EEA1: variants seen among roughly 807,000 people sequenced by gnomAD.
EEA1 encodes the protein early endosome antigen 1, 162kD.
A neutral mutation model predicts 209.2 loss-of-function variants in EEA1; 111 were observed. The observed-to-expected ratio is 0.53, with a 90% CI of 0.45 to 0.62. The LOEUF (loss-of-function observed/expected upper bound fraction) is 0.62. Among genes scored for constraint, EEA1 ranks in the 20% least tolerant of loss-of-function variants. EEA1 has a pLI of 0.00. For missense variants in EEA1, 1,343 were observed against 1,530.8 expected (o/e 0.88, Z 2.05); for synonymous variants, 536 against 540.6 (o/e 0.99, Z 0.12).
In EEA1 at chr12:92,788,713, C is replaced by T. The variant is rs142105500; in HGVS notation, c.2968-664G>A. ...CCTTCAATAAAATTGCTGTTGAAGT[C>T]ATTAGTGACTGCCATGTTCCAAAAT... On this transcript the variant is annotated intron_variant, in intron 21 of 28. Transcript: ENST00000322349. 9.2e-5 allele frequency among the ~76,000 whole-genome samples: 14 copies of T among 152,234 alleles called. No individual in the cohort carries two copies. The East Asian group carries it at 1.7e-3, about 19-fold the overall frequency.
chr12:92,906,715 G>A (rs1218636446), intron 1 of EEA1, among the ~76,000 whole-genome samples: 3 of 152,132 alleles, frequency 2.0e-5, no homozygotes, highest in Non-Finnish European at 2.9e-5. Context: ...TGGGGAGGCT[G>A]AGGCAGGAGA....
At chr12:92,843,179 A>G (rs1859984906) in intron 9 of EEA1, among the ~76,000 whole-genome samples, 1 of 152,072 alleles carries the variant, frequency 6.6e-6, no homozygotes. Context: ...TTTTTTTTAT[A>G]CAGGGTCTTG....
chr12:92,790,526 GGT>G (rs1874353962), intron 21 of EEA1, among the ~76,000 whole-genome samples: 1 of 152,074 alleles, frequency 6.6e-6, no homozygotes, highest in Admixed American at 6.5e-5. Flanking sequence ...TGGAAGAAAG[GGT>G]ATCAGTGATT....
intron 1 of EEA1, among the ~76,000 whole-genome samples, chr12:92,921,015 C>A (rs1053938340): frequency 3.3e-5 from 5 of 151,440 alleles, no homozygotes; most frequent in Admixed American, 1.3e-4. Context: ...TCATCACTGG[C>A]CATCAGAGAA....
rs747400820 is a variant in EEA1, at chr12:92,826,333, A to G, written c.1405-48T>C. ...ATTGAGAACTTAAAGGCATAATGCT[A>G]TCATTCATAAGTATCTGGCATTACT... On this transcript the variant is annotated intron_variant, in intron 12 of 28. Transcript: ENST00000322349. The G allele has an allele frequency of 3.9e-6, 6 of 1,543,400 alleles. No individual in the cohort carries two copies. In the South Asian group the frequency reaches 4.5e-5, roughly 12 times the overall value.
chr12:92,897,996 CGTTTTATTGCGATACTT>C (rs1565855878), intron 1 of EEA1, among the ~76,000 whole-genome samples: 1 of 152,108 alleles, frequency 6.6e-6, no homozygotes, highest in Non-Finnish European at 1.5e-5. Flanking sequence ...TTATGTGACT[CGTTTTATTGCGATACTT>C]GTTTTATTGC....
chr12:92,864,432 T>A (rs560861391), intron 3 of EEA1, among the ~76,000 whole-genome samples: 8 of 152,138 alleles, frequency 5.3e-5, no homozygotes, highest in Admixed American at 1.3e-4. Flanking sequence ...GGAAACACAA[T>A]GTGTACGTAT....
At chr12:92,867,582 C>T (rs1477471736) in intron 2 of EEA1, among the ~76,000 whole-genome samples, 2 of 152,074 alleles carry the variant, frequency 1.3e-5, no homozygotes, top group Non-Finnish European at 2.9e-5. Context: ...AAAAACTGCT[C>T]CTTGAATGCT....
intron 11 of EEA1, among the ~76,000 whole-genome samples, chr12:92,832,238 C>CTA (rs1323538231): frequency 6.6e-6 from 1 of 151,830 alleles, no homozygotes; most frequent in African/African-American, 2.4e-5. Context: ...TAGTGAGTAC[C>CTA]TACACGCCCC....
chr12:92,800,113 T>C (rs1874840552), intron 20 of EEA1, among the ~76,000 whole-genome samples: 1 of 151,916 alleles, frequency 6.6e-6, no homozygotes, highest in Non-Finnish European at 1.5e-5. Flanking sequence ...TCCCAGCTAC[T>C]TGGGAGGCTG....
intron 2 of EEA1, among the ~76,000 whole-genome samples, chr12:92,888,641 T>C (rs1227174169): frequency 6.8e-6 from 1 of 147,038 alleles, no homozygotes; most frequent in East Asian, 2.0e-4. Context: ...AGGCTGAAGA[T>C]GCAATAAGGA....
At chr12:92,881,124 C>T (rs546136215) in intron 2 of EEA1, among the ~76,000 whole-genome samples, 1 of 152,204 alleles carries the variant, frequency 6.6e-6, no homozygotes, top group African/African-American at 2.4e-5. Flanking sequence ...AGAAAACGGG[C>T]TCAGTGTAGT....
At chr12:92,826,140 A>C (rs1307350363) in intron 13 of EEA1, 26 bp downstream of exon 13, 1 of 1,608,334 alleles carries the variant, frequency 6.2e-7, no homozygotes, top group Non-Finnish European at 8.5e-7. Flanking sequence ...TGTGTTTACA[A>C]GGCTAATAAC....
At position 92,809,165 on chromosome 12, in the gene EEA1, G is replaced by C; in HGVS notation, c.2200-9C>G. 1 of 1,543,542 alleles carries C rather than the reference G, an allele frequency of 6.5e-7. No homozygotes were observed. The highest frequency in any genetic ancestry group is 8.7e-7 in the Non-Finnish European group (1 of 1,148,162). ...CTATCAGCTTCTAGTTTCTATGAAA[G>C]AAATATGATATGGCAGCCATTTTAA... On this transcript the variant is annotated splice_polypyrimidine_tract_variant and intron_variant, in intron 17 of 28. Coordinates refer to ENST00000322349, the MANE Select transcript of EEA1 (RefSeq NM_003566.4).
rs574313957 is a variant in EEA1 at position 92,908,240 on chromosome 12, G to A, written c.25-16519C>T. Among the ~76,000 whole-genome samples the A allele has an allele frequency of 6.6e-5, 10 of 152,210 alleles. No individual in the cohort carries two copies. In the South Asian group the frequency reaches 1.5e-3, roughly 22 times the overall value. On this transcript the variant is annotated intron_variant, in intron 1 of 28. Coordinates refer to ENST00000322349, the MANE Select transcript of EEA1 (RefSeq NM_003566.4). ...AACCAGACACAAAAGGATCACTATC[G>A]TATAATTCCACTTATATGAGGTACC...
At chr12:92,910,158 A>G (rs1880524446) in intron 1 of EEA1, among the ~76,000 whole-genome samples, 1 of 56,094 alleles carries the variant, frequency 1.8e-5, no homozygotes, top group South Asian at 7.3e-4. Context: ...TAAATAAATT[A>G]ATTAAATTTT....
At position 92,826,211 on chromosome 12, in the gene EEA1, T is replaced by C. The variant is rs752498700; in HGVS notation, c.1479A>G (p.Gln493=). 1.9e-6 allele frequency: 3 copies of C among 1,613,750 alleles called. No homozygotes were observed. The highest frequency in any genetic ancestry group is 2.5e-6 in the Non-Finnish European group (3 of 1,179,758). Residue 493 remains glutamine (Q), a synonymous_variant, in exon 13 of 29, where the codon CAA becomes CAG. Transcript: ENST00000322349. The part of the protein sequence containing the change: ...LDKTKQQHQE[Q]QALQQSTTAK... The stretch of plus-strand genomic sequence containing the variant: ...CCGTGGTGCTTTGCTGAAGAGCCTG[T>C]TGTTCTTGATGCTGTTGCTTTGTTT...
At chr12:92,884,014 G>A in intron 2 of EEA1, 2 of 1,398,500 alleles carry the variant, frequency 1.4e-6, no homozygotes, top group Non-Finnish European at 1.0e-6. Flanking sequence ...TAAGGTGGAT[G>A]GAAGAGTTGT....
chr12:92,888,396 T>C (rs1166574976), intron 2 of EEA1, among the ~76,000 whole-genome samples: 1 of 151,940 alleles, frequency 6.6e-6, no homozygotes, highest in Non-Finnish European at 1.5e-5. Context: ...CTGGCTAACA[T>C]GAAACCCCAT....
Sources: allele counts gnomAD v4.1 joint callset (sites outside exome capture counted in the v4.1 genomes callset), GRCh38; gene constraint gnomAD v4.1.1; transcripts MANE v1.5; gene names NCBI Gene and HGNC (gene_info 2026-07-23, HGNC 2026-07-21).